The following FANK1 variants were observed in gnomAD, a reference collection of about 807,000 sequenced individuals.
FANK1 encodes fibronectin type 3 and ankyrin repeat domains protein 1.
In FANK1, 44 loss-of-function variants were observed where a neutral mutation model predicts 45.3. The ratio of observed to expected loss-of-function variants is 0.97; its 90% CI spans 0.76 to 1.25. The LOEUF is 1.25. FANK1 is among the 50% of genes most tolerant of loss of function. The pLI, the probability that FANK1 is intolerant of heterozygous loss-of-function variation, is 0.00. For missense variants in FANK1, 391 were observed against 424.4 expected (o/e 0.92, Z 0.69); for synonymous variants, 149 against 152.5 (o/e 0.98, Z 0.17).
rs1431344793 is a variant in FANK1, at chr10:125,968,620, C to G, written c.14-11541C>G. Among the ~76,000 whole-genome samples the G allele has an allele frequency of 2.0e-5, 3 of 152,270 alleles. No homozygotes were observed. The South Asian group carries it at 6.2e-4, about 32-fold the overall frequency. On this transcript the variant is annotated intron_variant, in intron 1 of 10. Coordinates refer to ENST00000368693, the MANE Select transcript of FANK1 (RefSeq NM_145235.5). ...TACAGTGTATGATCACCACTTCTCT[C>G]TGTAGCTTTTGAGATATGGTCAACT...
chr10:125,956,439 A>T (rs1168452840), intron 1 of FANK1, among the ~76,000 whole-genome samples: 1 of 152,206 alleles, frequency 6.6e-6, no homozygotes. Context: ...GAAAATGGGA[A>T]GGAGCAGGCA....
At chr10:125,896,988 C>G (rs1164773607) in intron 1 of FANK1, among the ~76,000 whole-genome samples, 1 of 152,268 alleles carries the variant, frequency 6.6e-6, no homozygotes, top group Non-Finnish European at 1.5e-5. Flanking sequence ...TACTCCTCCT[C>G]CTACTCATGA....
At chr10:125,920,089 ACT>A (rs545612594) in intron 1 of FANK1, among the ~76,000 whole-genome samples, 378 of 151,984 alleles carry the variant, frequency 2.5e-3, no homozygotes, top group African/African-American at 8.9e-3. Flanking sequence ...TGTCTCTCGT[ACT>A]CTCTGTGGCT....
chr10:125,934,537 C>A (rs1350662108), intron 1 of FANK1, among the ~76,000 whole-genome samples: 2 of 151,792 alleles, frequency 1.3e-5, no homozygotes, highest in Non-Finnish European at 2.9e-5. Context: ...GGCAGAATTC[C>A]AGTCCTGCGT....
chr10:125,949,246 A>T (rs1210073672), intron 1 of FANK1, among the ~76,000 whole-genome samples: 5 of 150,566 alleles, frequency 3.3e-5, no homozygotes, highest in Admixed American at 1.3e-4. Context: ...CCTATTCAAC[A>T]TAGTGTTGTA....
At chr10:125,927,252 C>T (rs1318895538) in intron 1 of FANK1, among the ~76,000 whole-genome samples, 41 of 152,336 alleles carry the variant, frequency 2.7e-4, no homozygotes, top group Non-Finnish European at 1.6e-4. Flanking sequence ...GGACAGGAGG[C>T]ACACATGCCA....
chr10:125,939,662 T>C (rs1030806128), intron 1 of FANK1, among the ~76,000 whole-genome samples: 1 of 152,140 alleles, frequency 6.6e-6, no homozygotes, highest in African/African-American at 2.4e-5. Context: ...CATTTTGTCA[T>C]CTATGGTTCC....
chr10:125,927,161 G>A (rs547432377), intron 1 of FANK1, among the ~76,000 whole-genome samples: 3 of 152,272 alleles, frequency 2.0e-5, no homozygotes, highest in East Asian at 1.9e-4. Context: ...CAGCTGGAGT[G>A]CAGTGGCATG....
intron 1 of FANK1, among the ~76,000 whole-genome samples, chr10:125,916,608 A>G (rs750146886): frequency 1.3e-5 from 2 of 152,230 alleles, no homozygotes; most frequent in African/African-American, 2.4e-5. Context: ...TATGGTATAT[A>G]TATACACTAT....
At chr10:125,995,040 G>C in intron 3 of FANK1, 1 of 732,808 alleles carries the variant, frequency 1.4e-6, no homozygotes, top group Non-Finnish European at 1.7e-6. Context: ...TTTCCAAGTA[G>C]TTTAACATCT....
At chr10:125,931,439 GT>G (rs1218726827) in intron 1 of FANK1, among the ~76,000 whole-genome samples, 2 of 152,162 alleles carry the variant, frequency 1.3e-5, no homozygotes, top group Non-Finnish European at 2.9e-5. Flanking sequence ...TCACATTGTG[GT>G]TTTGATCTGC....
intron 2 of FANK1, among the ~76,000 whole-genome samples, chr10:125,984,191 G>A (rs1319673677): frequency 6.6e-6 from 1 of 152,084 alleles, no homozygotes; most frequent in Non-Finnish European, 1.5e-5. Flanking sequence ...CATGCCCACC[G>A]TGGGTCGGCC....
chr10:125,951,235 A>AT (rs1380260755), intron 1 of FANK1, among the ~76,000 whole-genome samples: 2 of 144,500 alleles, frequency 1.4e-5, no homozygotes, highest in African/African-American at 5.0e-5. Context: ...AACTTAAAGT[A>AT]TAAAAAAAAA....
At chr10:125,994,850 C>G (rs202059771) in intron 3 of FANK1, 4 of 985,220 alleles carry the variant, frequency 4.1e-6, no homozygotes, top group Non-Finnish European at 4.8e-6. Flanking sequence ...CCTGGGTCTT[C>G]GCTGGTTGGC....
chr10:125,925,709 A>G (rs1337951377), intron 1 of FANK1, among the ~76,000 whole-genome samples: 1 of 152,210 alleles, frequency 6.6e-6, no homozygotes, highest in East Asian at 1.9e-4. Context: ...TCTGATACGT[A>G]TTTTAATACC....
At chr10:125,994,416 T>G in intron 3 of FANK1, 1 of 985,326 alleles carries the variant, frequency 1.0e-6, no homozygotes. Context: ...GAGGTTTTTT[T>G]AGACCAGGGA....
intron 1 of FANK1, among the ~76,000 whole-genome samples, chr10:125,942,274 G>T (rs1339260788): frequency 6.6e-6 from 1 of 152,158 alleles, no homozygotes; most frequent in Non-Finnish European, 1.5e-5. Context: ...GTCACAATTT[G>T]TTCTTAGAAA....
intron 1 of FANK1, among the ~76,000 whole-genome samples, chr10:125,939,830 C>T (rs1948330435): frequency 6.6e-6 from 1 of 151,870 alleles, no homozygotes; most frequent in Non-Finnish European, 1.5e-5. Flanking sequence ...ATATTTCATT[C>T]TAAATGCTAA....
intron 7 of FANK1, 126 bp from the exon 8 acceptor site, chr10:126,008,281 A>G: frequency 7.6e-7 from 1 of 1,318,762 alleles, no homozygotes; most frequent in South Asian, 1.7e-5. Context: ...CAGTGCAATG[A>G]ACCAAATATA....
Sources: allele counts gnomAD v4.1 joint callset (sites outside exome capture counted in the v4.1 genomes callset), GRCh38; gene constraint gnomAD v4.1.1; transcripts MANE v1.5; gene names NCBI Gene and HGNC (gene_info 2026-07-23, HGNC 2026-07-21).